The following ABCA13 variants were observed in gnomAD, a reference collection of about 807,000 sequenced individuals.
ABCA13 encodes ATP-binding cassette sub-family A member 13.
ABCA13 carries 476 observed loss-of-function variants against 478.7 expected under a neutral mutation model. The observed-to-expected ratio is 0.99, with a 90% CI of 0.92 to 1.07. The LOEUF (loss-of-function observed/expected upper bound fraction) is 1.07, where lower values mean the gene tolerates loss of function less well. Among genes scored for constraint, ABCA13 ranks in the 50% least tolerant of loss-of-function variants. ABCA13 has a pLI of 0.00. For missense variants in ABCA13, 6,060 were observed against 5,910.6 expected, an observed-to-expected ratio of 1.03 and a Z score of -0.83; for synonymous variants, 2,252 against 2,158.9, an observed-to-expected ratio of 1.04 and a Z score of -1.20.
intron 59 of ABCA13, chr7:48,626,951 C>G: frequency 1.0e-6 from 1 of 985,272 alleles, no homozygotes; most frequent in Non-Finnish European, 1.2e-6. Context: ...GTGATTATTG[C>G]GTATGGTTGA....
intron 59 of ABCA13, among the ~76,000 whole-genome samples, chr7:48,620,835 G>A (rs1352680862): frequency 1.3e-5 from 2 of 152,134 alleles, no homozygotes; most frequent in Non-Finnish European, 2.9e-5. Context: ...TGCACACAGG[G>A]CATTGTCTTA....
intron 57 of ABCA13, among the ~76,000 whole-genome samples, chr7:48,592,745 A>G (rs1789885355): frequency 1.3e-5 from 2 of 152,006 alleles, no homozygotes; most frequent in Non-Finnish European, 2.9e-5. Flanking sequence ...TGCATTACAT[A>G]TATAGTACTC....
intron 28 of ABCA13, among the ~76,000 whole-genome samples, chr7:48,338,145 A>G (rs1474109744): frequency 1.3e-5 from 2 of 152,218 alleles, no homozygotes; most frequent in Non-Finnish European, 2.9e-5. Context: ...AATTACAACT[A>G]CAACATAAAT....
intron 15 of ABCA13, among the ~76,000 whole-genome samples, chr7:48,254,307 A>G (rs1183946658): frequency 2.6e-5 from 4 of 151,966 alleles, no homozygotes; most frequent in Non-Finnish European, 5.9e-5. Flanking sequence ...TCTATTGCCC[A>G]GGGTGGAATG....
chr7:48,201,830 A>G (rs13227532), intron 3 of ABCA13, among the ~76,000 whole-genome samples: 30,836 of 152,008 alleles, frequency 0.2, 3,361 homozygotes, highest in Middle Eastern at 0.24. Context: ...GCAGACCCTC[A>G]TGGTAAGTGT....
rs575375913 is a variant in ABCA13, at chr7:48,565,766, T to C, written c.14355-14458T>C. Among the ~76,000 whole-genome samples the C allele has an allele frequency of 1.3e-4, 20 of 152,312 alleles. No individual in the cohort carries two copies. The South Asian group carries it at 3.9e-3, about 30-fold the overall frequency. On this transcript the variant is annotated intron_variant, in intron 55 of 61. Transcript: ENST00000435803. ...AACAATGTCAAGCTGTCATGGAGTG[T>C]ATGCTCCCTGAAGCTGTCTTTGGAT... is the stretch of plus-strand genomic sequence containing the variant.
Position 48,481,043 on chromosome 7 carries a change from C to A in ABCA13, c.12983C>A (p.Pro4328Gln). Reference sequence around the variant, plus strand: ...TTTTGAAAACAATTTCAGAAGTGTCCAAATAGAAGTGCTAGTGCTCCCTAC... The same window carrying A: ...TTTTGAAAACAATTTCAGAAGTGTCAAAATAGAAGTGCTAGTGCTCCCTAC... ...FQDSCGCLKC[P>Q]NRSASAPYLT... Residue 4328 changes from proline to glutamine, a missense_variant, in exon 46 of 62, where the codon CCA (proline) becomes CAA (glutamine). By Grantham distance (76) the Pro-to-Gln change is moderately conservative. Coordinates refer to ENST00000435803, the MANE Select transcript of ABCA13 (RefSeq NM_152701.5). 6.3e-7 allele frequency: 1 copy of A among 1,588,328 alleles called. No individual in the cohort carries two copies.
chr7:48,367,957 G>C, intron 32 of ABCA13, 49 bp downstream of exon 32: 3 of 1,448,830 alleles, frequency 2.1e-6, no homozygotes, highest in Non-Finnish European at 2.8e-6. Flanking sequence ...GGAGGCTGGG[G>C]ACTTTGGAAA....
Position 48,403,767 on chromosome 7 carries a change from T to G in ABCA13, c.11958T>G (p.Leu3986=), listed in dbSNP as rs140903684. 226 of 1,614,012 alleles carry G rather than the reference T, an allele frequency of 1.4e-4. No homozygotes were observed. Among genetic ancestry groups the G allele is most frequent in the Non-Finnish European group, 1.9e-4 (224 of 1,179,882 alleles). Reference sequence around the variant, plus strand: ...GAGGCCTGAAGAGGAAGCTCTCCCTTGGCATTGCTTTCATGGGCATGTCGA... The same window carrying G: ...GAGGCCTGAAGAGGAAGCTCTCCCTGGGCATTGCTTTCATGGGCATGTCGA... The part of the protein sequence containing the change: ...LSGGLKRKLS[L]GIAFMGMSRT... Residue 3986 remains leucine (L), a synonymous_variant, in exon 39 of 62, where the codon CTT becomes CTG. Transcript: ENST00000435803.
At chr7:48,429,868 G>A (rs917640234) in intron 42 of ABCA13, among the ~76,000 whole-genome samples, 2 of 152,170 alleles carry the variant, frequency 1.3e-5, no homozygotes, top group South Asian at 4.1e-4. Context: ...TTTGGTTTTT[G>A]GTAGTTAAAA....
chr7:48,185,198 G>T (rs151172559), intron 1 of ABCA13, among the ~76,000 whole-genome samples: 91 of 152,158 alleles, frequency 6.0e-4, no homozygotes, highest in African/African-American at 2.0e-3. Context: ...CCTTTGATTT[G>T]TCAACCACCT....
intron 59 of ABCA13, among the ~76,000 whole-genome samples, chr7:48,619,107 G>A (rs1368101823): frequency 6.6e-6 from 1 of 152,214 alleles, no homozygotes; most frequent in Non-Finnish European, 1.5e-5. Context: ...GCTGTGCCAA[G>A]GGTTCTGAAG....
intron 42 of ABCA13, among the ~76,000 whole-genome samples, chr7:48,448,592 G>A (rs938267261): frequency 6.6e-6 from 1 of 152,086 alleles, no homozygotes; most frequent in Admixed American, 6.5e-5. Flanking sequence ...TAGCCACATA[G>A]GAATTGGAAA....
At chr7:48,642,103 A>G (rs1436892193) in intron 59 of ABCA13, among the ~76,000 whole-genome samples, 2 of 152,194 alleles carry the variant, frequency 1.3e-5, no homozygotes, top group Non-Finnish European at 2.9e-5. Flanking sequence ...AACTCGAATG[A>G]TGGGAGGCTA....
chr7:48,511,614 T>C (rs546320697), intron 51 of ABCA13, among the ~76,000 whole-genome samples: 1 of 152,186 alleles, frequency 6.6e-6, no homozygotes, highest in Non-Finnish European at 1.5e-5. Context: ...AGTTTGAAAA[T>C]GTTTTGTCTA....
intron 42 of ABCA13, among the ~76,000 whole-genome samples, chr7:48,444,102 A>C (rs1823973443): frequency 6.6e-6 from 1 of 152,160 alleles, no homozygotes; most frequent in Non-Finnish European, 1.5e-5. Flanking sequence ...CCACCTTTGA[A>C]GGAAGAATTC....
Position 48,279,560 on chromosome 7 carries a change from A to G in ABCA13, c.8366A>G (p.Tyr2789Cys). 6.2e-7 allele frequency: 1 copy of G among 1,613,552 alleles called. No individual in the cohort carries two copies. Among genetic ancestry groups the G allele is most frequent in the Non-Finnish European group, 8.5e-7 (1 of 1,179,694 alleles). The change falls in exon 18 of 62, where the codon TAT becomes TGT. Residue 2789 changes from tyrosine (Y) to cysteine (C), a missense_variant. By Grantham distance (194) the Tyr-to-Cys change is radical. This residue lies in a region of ABCA13 where 4,423 missense variants were observed against 4,309.1 expected (regional missense o/e 1.03). Transcript: ENST00000435803. The stretch of plus-strand genomic sequence containing the variant: ...GCCTCCAGTGGAATTAAAAGTGACT[A>G]TGAAGGTGATTTGAATAAAAGTTTA... ...LEASSGIKSD[Y>C]EGDLNKSLYF... is the part of the protein sequence containing the mutation.
At chr7:48,493,265 A>G (rs866766531) in intron 48 of ABCA13, among the ~76,000 whole-genome samples, 7 of 152,234 alleles carry the variant, frequency 4.6e-5, no homozygotes, top group Non-Finnish European at 8.8e-5. Context: ...TAGGGTTACT[A>G]TAGTACATTC....
chr7:48,413,556 T>C (rs1326020060), intron 41 of ABCA13, among the ~76,000 whole-genome samples: 1 of 152,200 alleles, frequency 6.6e-6, no homozygotes, highest in African/African-American at 2.4e-5. Context: ...ATTATTTATA[T>C]AAAATGTCAC....
Sources: allele counts gnomAD v4.1 joint callset (sites outside exome capture counted in the v4.1 genomes callset), GRCh38; gene constraint gnomAD v4.1.1; regional missense constraint gnomAD v4.1.1; transcripts MANE v1.5; gene names NCBI Gene and HGNC (gene_info 2026-07-23, HGNC 2026-07-21).